LAMC1: variants seen among roughly 807,000 people sequenced by gnomAD.
LAMC1 encodes the protein laminin subunit gamma-1.
Under a neutral mutation model 173.6 loss-of-function variants are expected in LAMC1, and 38 were observed. The observed-to-expected ratio is 0.22, with a 90% confidence interval of 0.17 to 0.29. The LOEUF is 0.29. LAMC1 is among the 10% of genes least tolerant of loss of function. The pLI is 1.00. For synonymous variants in LAMC1, 746 were observed against 749.1 expected (o/e 1.00, Z 0.07); for missense variants, 1,824 against 2,051.8 (o/e 0.89, Z 2.14).
At chr1:183,051,808 T>C (rs2102023729) in intron 1 of LAMC1, among the ~76,000 whole-genome samples, 1 of 152,340 alleles carries the variant, frequency 6.6e-6, no homozygotes. Flanking sequence ...AACTGAAGCC[T>C]GGCAGAAATT....
chr1:183,041,811 A>G lies in LAMC1; in HGVS notation c.418+17677A>G, dbSNP rs145184889. On this transcript the variant is annotated intron_variant, in intron 1 of 27. Transcript: ENST00000258341. The stretch of plus-strand genomic sequence containing the variant: ...CTTTTATGCCCCTAGTGTACGGCAT[A>G]ATACCTTTTATATGGTAGTAGGGGT... Among the ~76,000 whole-genome samples the G allele has an allele frequency of 4.7e-4, 72 of 152,328 alleles. 1 individual carries two copies. Among genetic ancestry groups the G allele is most frequent in the South Asian group, 1.5e-3 (7 of 4,826 alleles).
chr1:183,127,651 T>C (rs914019800), intron 17 of LAMC1, among the ~76,000 whole-genome samples: 2 of 152,226 alleles, frequency 1.3e-5, no homozygotes, highest in African/African-American at 4.8e-5. Flanking sequence ...AAGGCCTCTC[T>C]ACAGAATTCA....
chr1:183,069,348 A>G (rs1558038204), intron 1 of LAMC1, among the ~76,000 whole-genome samples: 1 of 152,186 alleles, frequency 6.6e-6, no homozygotes. Context: ...TATATGTAAA[A>G]CCTAGAGAAA....
At chr1:183,081,795 C>G (rs1357835530) in intron 1 of LAMC1, among the ~76,000 whole-genome samples, 1 of 152,160 alleles carries the variant, frequency 6.6e-6, no homozygotes, top group Non-Finnish European at 1.5e-5. Context: ...TAGGCTCTCT[C>G]TTGGTGTTGT....
intron 26 of LAMC1, among the ~76,000 whole-genome samples, chr1:183,140,047 AT>A (rs1657062193): frequency 6.6e-6 from 1 of 152,136 alleles, no homozygotes; most frequent in African/African-American, 2.4e-5. Context: ...TCCTTAAAAA[AT>A]AACTTGTTTC....
intron 1 of LAMC1, among the ~76,000 whole-genome samples, chr1:183,057,708 A>G (rs933917426): frequency 2.0e-5 from 3 of 152,130 alleles, no homozygotes; most frequent in Middle Eastern, 3.4e-3. Flanking sequence ...GTGAGCCAAG[A>G]TCACACCACT....
chr1:183,027,727 G>A (rs1233280997), intron 1 of LAMC1, among the ~76,000 whole-genome samples: 1 of 152,192 alleles, frequency 6.6e-6, no homozygotes, highest in Non-Finnish European at 1.5e-5. Flanking sequence ...GTGTGTTTAA[G>A]TTAGAATAAT....
chr1:183,049,013 C>T (rs1352364227), intron 1 of LAMC1, among the ~76,000 whole-genome samples: 1 of 152,140 alleles, frequency 6.6e-6, no homozygotes, highest in Non-Finnish European at 1.5e-5. Context: ...TGAATTTCTT[C>T]CTGTCTTTAT....
chr1:183,073,983 T>C (rs1047573788), intron 1 of LAMC1, among the ~76,000 whole-genome samples: 1 of 152,174 alleles, frequency 6.6e-6, no homozygotes, highest in Non-Finnish European at 1.5e-5. Context: ...CATTGCTGGG[T>C]TTAATTTGCA....
At chr1:183,110,426 C>G (rs1656112120) in intron 3 of LAMC1, 62 bp from the exon 4 acceptor site, 2 of 1,310,452 alleles carry the variant, frequency 1.5e-6, no homozygotes, top group Non-Finnish European at 2.2e-6. Context: ...CATAGTTTTT[C>G]TGTGTGCATT....
chr1:183,116,665 A>G lies in LAMC1; in HGVS notation c.1417A>G (p.Asn473Asp). The change falls in exon 7 of 28, where the codon AAT becomes GAT. Residue 473 changes from asparagine (N) to aspartate (D), a missense_variant. Coordinates refer to ENST00000258341, the MANE Select transcript of LAMC1 (RefSeq NM_002293.4). Reference protein sequence around the residue: ...CVCKDNVEGFNCERCKPGFFN... With the variant: ...CVCKDNVEGFDCERCKPGFFN... ...TTGCAAAGACAATGTCGAAGGCTTCAATTGTGAAAGGTAGTGCATTCTTTC... is the reference window on the plus strand; with the variant it reads ...TTGCAAAGACAATGTCGAAGGCTTCGATTGTGAAAGGTAGTGCATTCTTTC... 1.9e-6 allele frequency: 3 copies of G among 1,612,854 alleles called. No individual in the cohort carries two copies. Among genetic ancestry groups the G allele is most frequent in the Non-Finnish European group, 2.5e-6 (3 of 1,178,848 alleles).
intron 1 of LAMC1, among the ~76,000 whole-genome samples, chr1:183,062,619 T>G (rs917296262): frequency 1.3e-5 from 2 of 152,104 alleles, no homozygotes; most frequent in African/African-American, 2.4e-5. Context: ...CGCTCCAGCC[T>G]GGGTGACAGA....
intron 1 of LAMC1, among the ~76,000 whole-genome samples, chr1:183,095,598 G>A (rs956231933): frequency 5.9e-5 from 9 of 152,182 alleles, no homozygotes; most frequent in Non-Finnish European, 2.9e-5. Context: ...AATCCCTGTA[G>A]TGGGATCTTT....
chr1:183,143,738 CAG>C lies in LAMC1; in HGVS notation c.*950_*951del, dbSNP rs1571472066. ...GTTAATCCCTAAGGTCTTGACAAAA[CAG>C]AAGAAAAACAAGCCTCCTCGTCCTA... On this transcript the variant is annotated 3_prime_UTR_variant, in exon 28 of 28. Transcript: ENST00000258341. The C allele has an allele frequency of 6.6e-6, 1 of 152,158 alleles. No individual in the cohort carries two copies. Among genetic ancestry groups the C allele is most frequent in the Non-Finnish European group, 1.5e-5 (1 of 68,014 alleles). 9.4% of individuals were successfully genotyped at this position (152,158 alleles called of 1,614,324 possible).
chr1:183,124,700 T>C lies in LAMC1; in HGVS notation c.2471T>C (p.Leu824Pro). 6.2e-7 allele frequency: 1 copy of C among 1,614,228 alleles called. No homozygotes were observed. The highest frequency in any genetic ancestry group is 8.5e-7 in the Non-Finnish European group (1 of 1,180,046). ...CTGGGTAGAAACGGCCCTGTGAGAC[T>C]TTGCCGCCTGTGCCAGTGCAGTGAC... ...DPLGRNGPVR[L>P]CRLCQCSDNI... The change falls in exon 14 of 28, where the codon CTT becomes CCT. Residue 824 changes from leucine to proline, a missense_variant. Coordinates refer to ENST00000258341, the MANE Select transcript of LAMC1 (RefSeq NM_002293.4).
At chr1:183,120,960 A>ATG (rs1242772773) in intron 11 of LAMC1, among the ~76,000 whole-genome samples, 2 of 152,198 alleles carry the variant, frequency 1.3e-5, no homozygotes, top group African/African-American at 4.8e-5. Context: ...TAGCAAAAGA[A>ATG]TGAAAACACT....
In LAMC1 at chr1:183,125,506, T is replaced by G. The variant is rs766106600; in HGVS notation, c.2757T>G (p.Cys919Trp). The change falls in exon 15 of 28, where the codon TGT becomes TGG. Residue 919 changes from cysteine (C) to tryptophan (W), a missense_variant. Transcript: ENST00000258341. ...PHVTGQDCGA[C>W]DPGFYNLQSG... ...TGACTGGCCAGGACTGTGGTGCTTG[T>G]GACCCTGGATTCTACAATCTGCAGA... The G allele has an allele frequency of 6.2e-7, 1 of 1,612,984 alleles. No homozygotes were observed. The highest frequency in any genetic ancestry group is 1.1e-5 in the South Asian group (1 of 90,868).
intron 3 of LAMC1, 119 bp from the exon 4 acceptor site, chr1:183,110,369 G>T: frequency 2.8e-6 from 2 of 712,862 alleles, no homozygotes; most frequent in Non-Finnish European, 2.3e-6. Flanking sequence ...ATCTTGCTCA[G>T]TTCCCCAGTT....
chr1:183,046,309 T>TA (rs1264644141), intron 1 of LAMC1, among the ~76,000 whole-genome samples: 16 of 152,222 alleles, frequency 1.1e-4, no homozygotes, highest in Non-Finnish European at 2.2e-4. Flanking sequence ...ATCTTAGCTA[T>TA]GTTTAGGCCT....
Sources: allele counts gnomAD v4.1 joint callset (sites outside exome capture counted in the v4.1 genomes callset), GRCh38; gene constraint gnomAD v4.1.1; transcripts MANE v1.5; gene names NCBI Gene and HGNC (gene_info 2026-07-23, HGNC 2026-07-21).